Variants in LGR6 observed in about 807,000 individuals in gnomAD.
LGR6 encodes leucine-rich repeat-containing G protein-coupled receptor 6.
A neutral mutation model predicts 69.4 loss-of-function variants in LGR6; 45 were observed. The observed-to-expected ratio is 0.65, with a 90% confidence interval of 0.51 to 0.83. The LOEUF (loss-of-function observed/expected upper bound fraction) is 0.83. LGR6 is among the 40% of genes least tolerant of loss of function. The pLI, the probability that LGR6 is intolerant of heterozygous loss-of-function variation, is 0.00. For synonymous variants in LGR6, 538 were observed against 555.0 expected (o/e 0.97, Z 0.43); for missense variants, 1,108 against 1,246.7 (o/e 0.89, Z 1.68).
intron 4 of LGR6, among the ~76,000 whole-genome samples, chr1:202,257,185 T>C (rs1663842901): frequency 6.6e-6 from 1 of 151,930 alleles, no homozygotes; most frequent in Non-Finnish European, 1.5e-5. Context: ...CTTTATCATA[T>C]CCTTTGACAT....
At chr1:202,265,627 C>G (rs1664586676) in intron 4 of LGR6, among the ~76,000 whole-genome samples, 1 of 152,216 alleles carries the variant, frequency 6.6e-6, no homozygotes, top group African/African-American at 2.4e-5. Flanking sequence ...AAAACCAATG[C>G]CTTCTCTGGC....
chr1:202,295,534 T>C (rs1040773011), intron 6 of LGR6, among the ~76,000 whole-genome samples: 1 of 152,182 alleles, frequency 6.6e-6, no homozygotes, highest in Non-Finnish European at 1.5e-5. Flanking sequence ...TCATCCCTGC[T>C]GCCATCCTCA....
At chr1:202,271,180 C>G (rs945094570) in intron 4 of LGR6, among the ~76,000 whole-genome samples, 3 of 152,092 alleles carry the variant, frequency 2.0e-5, no homozygotes, top group African/African-American at 7.2e-5. Context: ...ATTGGCTCTC[C>G]CACCCTCTAC....
intron 1 of LGR6, among the ~76,000 whole-genome samples, chr1:202,204,691 CCCCAAACACACACACACA>C (rs1659026670): frequency 4.7e-5 from 1 of 21,304 alleles, no homozygotes; most frequent in African/African-American, 1.7e-4. Context: ...ACACACACAC[CCCCAAACACACACACACA>C]CCTAACACAC....
At chr1:202,285,586 G>C (rs1156504324) in intron 6 of LGR6, among the ~76,000 whole-genome samples, 5 of 152,210 alleles carry the variant, frequency 3.3e-5, no homozygotes, top group Non-Finnish European at 5.9e-5. Context: ...GAACATTATA[G>C]GTGCTTGATT....
At chr1:202,257,027 A>G (rs932016710) in intron 4 of LGR6, among the ~76,000 whole-genome samples, 1 of 152,158 alleles carries the variant, frequency 6.6e-6, no homozygotes, top group Non-Finnish European at 1.5e-5. Context: ...AGAAATGTCT[A>G]TTTAGATCCC....
intron 1 of LGR6, among the ~76,000 whole-genome samples, chr1:202,221,899 C>A (rs1660182213): frequency 6.6e-6 from 1 of 152,258 alleles, no homozygotes; most frequent in Non-Finnish European, 1.5e-5. Context: ...GCACAAAAAA[C>A]CAGCTGCACA....
rs58243962 is a variant in LGR6 at position 202,295,327 on chromosome 1, CAAAAAAAAAA to C, written c.717-2168_717-2159del. 3.1e-4 allele frequency among the ~76,000 whole-genome samples: 14 copies of C among 45,560 alleles called. No homozygotes were observed. The East Asian group carries it at 7.5e-3, about 24-fold the overall frequency. 29.9% of individuals were successfully genotyped at this position (45,560 alleles called of 152,430 possible). A position where few individuals can be genotyped will look rare whatever the true frequency, so the allele number is the denominator to read the frequency against. ...CAGGCGACAGAGCAAGACTCCATCTCAAAAAAAAAAAAAAAAAAAAAAGACTTTTCAATAA... is the reference window on the plus strand; with the variant it reads ...CAGGCGACAGAGCAAGACTCCATCTCAAAAAAAAAAAAGACTTTTCAATAA... On this transcript the variant is annotated intron_variant, in intron 6 of 17. Transcript: ENST00000367278.
intron 4 of LGR6, among the ~76,000 whole-genome samples, chr1:202,237,938 G>A (rs1661727458): frequency 6.6e-6 from 1 of 151,402 alleles, no homozygotes; most frequent in Admixed American, 6.6e-5. Flanking sequence ...CTGCCTCACA[G>A]GGTGTTGGGA....
intron 6 of LGR6, among the ~76,000 whole-genome samples, chr1:202,291,616 T>G (rs115336444): frequency 0.01 from 1,564 of 152,312 alleles, 28 homozygotes; most frequent in African/African-American, 0.035. Flanking sequence ...TCCTGTCTCA[T>G]TGGGGAGACA....
chr1:202,254,098 C>T (rs957159596), intron 4 of LGR6, among the ~76,000 whole-genome samples: 1 of 152,158 alleles, frequency 6.6e-6, no homozygotes, highest in African/African-American at 2.4e-5. Context: ...AGCCACCGCG[C>T]CCGGCCTCTG....
At chr1:202,206,648 C>G (rs1659242988) in intron 1 of LGR6, among the ~76,000 whole-genome samples, 1 of 152,076 alleles carries the variant, frequency 6.6e-6, no homozygotes, top group African/African-American at 2.4e-5. Context: ...TCCCTGGGCT[C>G]AAGTGATCCT....
chr1:202,213,987 A>G (rs750108122), intron 1 of LGR6: 9 of 932,876 alleles, frequency 9.6e-6, no homozygotes, highest in Admixed American at 6.2e-5. Context: ...TAGTCTTTCT[A>G]TAGCTCTGAT....
chr1:202,204,290 A>ACAC, intron 1 of LGR6, among the ~76,000 whole-genome samples: 1 of 135,738 alleles, frequency 7.4e-6, no homozygotes, highest in South Asian at 2.4e-4. Context: ...AAACACACAC[A>ACAC]CCTGCAAACA....
Position 202,318,581 on chromosome 1 carries a change from C to CG in LGR6, c.2282dup (p.Asp762ArgfsTer3). On this transcript the variant is annotated frameshift_variant, in exon 18 of 18. Coordinates refer to ENST00000367278, the MANE Select transcript of LGR6 (RefSeq NM_001017403.2). LOFTEE classifies it low-confidence loss of function (END_TRUNC). ...CATCAAACTGTACTGTGACCTGCCG[C>CG]GGGGCGACTTTGAGGCCGTGTGGGA... 1 of 1,613,986 alleles carries CG rather than the reference C, an allele frequency of 6.2e-7. No individual in the cohort carries two copies. Among genetic ancestry groups the CG allele is most frequent in the Non-Finnish European group, 8.5e-7 (1 of 1,179,994 alleles).
intron 17 of LGR6, 51 bp from the exon 18 acceptor site, chr1:202,317,901 C>G (rs1248514350): frequency 7.3e-6 from 11 of 1,516,532 alleles, no homozygotes; most frequent in African/African-American, 1.4e-5. Flanking sequence ...GTCCTGAAGA[C>G]CTGGTCCCAC....
intron 4 of LGR6, among the ~76,000 whole-genome samples, chr1:202,250,717 T>C (rs1433698039): frequency 1.3e-5 from 2 of 152,176 alleles, no homozygotes; most frequent in Non-Finnish European, 2.9e-5. Flanking sequence ...ATGTCCTTTT[T>C]TAAAATTCAG....
At chr1:202,242,528 C>A (rs753673) in intron 4 of LGR6, among the ~76,000 whole-genome samples, 155 of 152,298 alleles carry the variant, frequency 1.0e-3, no homozygotes, top group African/African-American at 3.6e-3. Context: ...GGTACAGGAA[C>A]TTCCTAATGG....
Position 202,232,759 on chromosome 1 carries a change from G to C in LGR6, c.357-3163G>C, listed in dbSNP as rs80066754. ...GCCTCTCCATATAGAACCAGGGCTA[G>C]AAAAAGAAGTAGGAAAACATCGTCA... On this transcript the variant is annotated intron_variant, in intron 3 of 17. Transcript: ENST00000367278. 2.2e-4 allele frequency among the ~76,000 whole-genome samples: 33 copies of C among 152,336 alleles called. No homozygotes were observed. The East Asian group carries it at 5.4e-3, about 25-fold the overall frequency.
Sources: allele counts gnomAD v4.1 joint callset (sites outside exome capture counted in the v4.1 genomes callset), GRCh38; gene constraint gnomAD v4.1.1; transcripts MANE v1.5; gene names NCBI Gene and HGNC (gene_info 2026-07-23, HGNC 2026-07-21).